Variants in KIAA0825 observed in about 807,000 individuals in gnomAD.
KIAA0825 encodes the protein uncharacterized protein KIAA0825.
Under a neutral mutation model 147.6 loss-of-function variants are expected in KIAA0825, and 119 were observed. The observed-to-expected ratio is 0.81, with a 90% CI of 0.69 to 0.94. The LOEUF (loss-of-function observed/expected upper bound fraction) is 0.94. Among genes scored for constraint, KIAA0825 ranks in the 40% least tolerant of loss-of-function variants. KIAA0825 has a pLI of 0.00. For missense variants in KIAA0825, 1,381 were observed against 1,472.7 expected (o/e 0.94, Z 1.02); for synonymous variants, 470 against 518.1 (o/e 0.91, Z 1.26).
At chr5:94,429,166 C>T (rs561548607) in intron 14 of KIAA0825, among the ~76,000 whole-genome samples, 1 of 152,302 alleles carries the variant, frequency 6.6e-6, no homozygotes, top group African/African-American at 2.4e-5. Context: ...GCAATCCATG[C>T]TTTCAATTCG....
chr5:94,179,459 G>C (rs1012603086), intron 20 of KIAA0825, among the ~76,000 whole-genome samples: 3 of 152,096 alleles, frequency 2.0e-5, no homozygotes, highest in Non-Finnish European at 2.9e-5. Context: ...AAGAACAAAA[G>C]AACTGTGCAT....
intron 20 of KIAA0825, among the ~76,000 whole-genome samples, chr5:94,271,242 C>A (rs895248375): frequency 3.9e-5 from 6 of 151,978 alleles, no homozygotes; most frequent in Non-Finnish European, 8.8e-5. Context: ...TAAGCACAGT[C>A]AACCAAAGAA....
intron 20 of KIAA0825, among the ~76,000 whole-genome samples, chr5:94,341,880 G>T (rs1438206332): frequency 6.6e-6 from 1 of 152,074 alleles, no homozygotes; most frequent in African/African-American, 2.4e-5. Context: ...GGGAAATAAA[G>T]ACTCCCCTCA....
At chr5:94,564,240 A>C in intron 2 of KIAA0825, among the ~76,000 whole-genome samples, 2 of 132,300 alleles carry the variant, frequency 1.5e-5, no homozygotes, top group Admixed American at 8.3e-5. Flanking sequence ...TTTTGCAGAC[A>C]AGGTCTCATT....
intron 20 of KIAA0825, among the ~76,000 whole-genome samples, chr5:94,378,877 A>G (rs918123966): frequency 6.6e-6 from 1 of 151,722 alleles, no homozygotes; most frequent in South Asian, 2.1e-4. Context: ...TTTTTTTCAT[A>G]TGTTTGTTGA....
At chr5:94,372,828 C>A (rs1233624951) in intron 20 of KIAA0825, among the ~76,000 whole-genome samples, 1 of 152,222 alleles carries the variant, frequency 6.6e-6, no homozygotes, top group Non-Finnish European at 1.5e-5. Flanking sequence ...TTTTCTATTG[C>A]TTTGTCAGTC....
chr5:94,296,252 C>CCCA (rs1025211153), intron 20 of KIAA0825, among the ~76,000 whole-genome samples: 3 of 152,118 alleles, frequency 2.0e-5, no homozygotes, highest in Admixed American at 1.3e-4. Flanking sequence ...TGACACCCCT[C>CCCA]CCACCACCAA....
chr5:94,275,999 T>C (rs1777209208), intron 20 of KIAA0825, among the ~76,000 whole-genome samples: 1 of 152,120 alleles, frequency 6.6e-6, no homozygotes, highest in Non-Finnish European at 1.5e-5. Context: ...ATTCTGTAGC[T>C]CAATTAATCC....
At chr5:94,339,344 T>C (rs1234225557) in intron 20 of KIAA0825, among the ~76,000 whole-genome samples, 1 of 152,168 alleles carries the variant, frequency 6.6e-6, no homozygotes, top group African/African-American at 2.4e-5. Context: ...TTGCTAAAAA[T>C]TGTAGATAGA....
chr5:94,380,801 G>A (rs566895593), intron 20 of KIAA0825, among the ~76,000 whole-genome samples: 34 of 152,338 alleles, frequency 2.2e-4, no homozygotes, highest in African/African-American at 7.5e-4. Flanking sequence ...ATTCTATTTA[G>A]AGCATCATGA....
At chr5:94,466,533 C>CACTAAGAAACCCCGTCTCT (rs1694722496) in intron 10 of KIAA0825, among the ~76,000 whole-genome samples, 1 of 151,826 alleles carries the variant, frequency 6.6e-6, no homozygotes, top group Non-Finnish European at 1.5e-5. Context: ...TCATGGCTAA[C>CACTAAGAAACCCCGTCTCT]ACTAAGAAAC....
chr5:94,164,613 G>A (rs563811803), intron 20 of KIAA0825, among the ~76,000 whole-genome samples: 12 of 151,970 alleles, frequency 7.9e-5, no homozygotes, highest in Admixed American at 2.0e-4. Flanking sequence ...GGGTTTCACC[G>A]TGTTAGCCAG....
intron 20 of KIAA0825, among the ~76,000 whole-genome samples, chr5:94,305,458 A>G (rs545324124): frequency 6.6e-6 from 1 of 152,044 alleles, no homozygotes; most frequent in African/African-American, 2.4e-5. Flanking sequence ...CCCTCCACCA[A>G]GTTTTACAGC....
rs371286777 is a variant in KIAA0825 at position 94,298,005 on chromosome 5, G to C, written c.3710+86363C>G. 6.1e-5 allele frequency among the ~76,000 whole-genome samples: 9 copies of C among 146,826 alleles called. No homozygotes were observed. In the East Asian group the frequency reaches 1.4e-3, roughly 23 times the overall value. On this transcript the variant is annotated intron_variant, in intron 20 of 20. Coordinates refer to ENST00000682413, the MANE Select transcript of KIAA0825 (RefSeq NM_001145678.3). ...CTCACACCTGTAATCCCAGCACTTT[G>C]GGAGGCCAACGTGGACAGATCATGA...
At chr5:94,563,192 A>AAAC (rs1406351746) in intron 2 of KIAA0825, among the ~76,000 whole-genome samples, 4 of 108,832 alleles carry the variant, frequency 3.7e-5, no homozygotes, top group African/African-American at 1.4e-4. Context: ...ATACCAAAAA[A>AAAC]AACAAAAAAA....
chr5:94,221,055 G>A (rs1008974424), intron 20 of KIAA0825, among the ~76,000 whole-genome samples: 1 of 152,084 alleles, frequency 6.6e-6, no homozygotes, highest in African/African-American at 2.4e-5. Flanking sequence ...TTCAAGCCAG[G>A]TTGTCAGAAT....
At chr5:94,569,216 A>AC (rs1779366400) in intron 2 of KIAA0825, 1 of 227,124 alleles carries the variant, frequency 4.4e-6, no homozygotes, top group Admixed American at 5.8e-5. Flanking sequence ...TCAATCCCTG[A>AC]CCCCCATGCC....
At chr5:94,300,571 C>G (rs1285972280) in intron 20 of KIAA0825, among the ~76,000 whole-genome samples, 3 of 151,876 alleles carry the variant, frequency 2.0e-5, no homozygotes, top group Admixed American at 6.6e-5. Context: ...GATTGTATAA[C>G]AGGAAACAGT....
At chr5:94,532,892 G>T (rs1373650715) in intron 3 of KIAA0825, among the ~76,000 whole-genome samples, 1 of 149,590 alleles carries the variant, frequency 6.7e-6, no homozygotes, top group Admixed American at 6.7e-5. Flanking sequence ...GCTACACACA[G>T]AAGTTGTCTA....
Sources: gnomAD v4.1 joint callset for allele counts (sites outside exome capture counted in the v4.1 genomes callset) on GRCh38, gnomAD v4.1.1 for gene constraint, MANE v1.5 for transcripts, NCBI Gene and HGNC (gene_info 2026-07-23, HGNC 2026-07-21) for gene names.